Variants in ANKRD28 observed in about 807,000 individuals in gnomAD.
ANKRD28 encodes serine/threonine-protein phosphatase 6 regulatory ankyrin repeat subunit A.
A neutral mutation model predicts 126.5 loss-of-function variants in ANKRD28; 44 were observed. The observed-to-expected ratio is 0.35, with a 90% CI of 0.27 to 0.45. The LOEUF is 0.45. ANKRD28 is among the 20% of genes least tolerant of loss of function. ANKRD28 has a pLI of 1.00. For missense variants in ANKRD28, 1,110 were observed against 1,316.6 expected, an observed-to-expected ratio of 0.84 and a Z score of 2.43; for synonymous variants, 442 against 468.5, an observed-to-expected ratio of 0.94 and a Z score of 0.73.
chr3:15,749,803 C>T (rs763439927), intron 4 of ANKRD28, among the ~76,000 whole-genome samples: 8 of 152,074 alleles, frequency 5.3e-5, no homozygotes, highest in Non-Finnish European at 7.4e-5. Flanking sequence ...TACTAGGCTC[C>T]GGGATGGTAC....
chr3:15,843,205 C>T lies in ANKRD28; in HGVS notation c.27+16172G>A, dbSNP rs902573262. On this transcript the variant is annotated intron_variant, in intron 1 of 27. Transcript: ENST00000399451. The surrounding 1 kb of genome is among the most constrained non-coding windows in gnomAD (Gnocchi z 5.2). Reference sequence around the variant, plus strand: ...AGTAGGAGCAAGACAGATCAAGTGGCGAGGTGCCACACACTTTTAAATGAC... The same window carrying T: ...AGTAGGAGCAAGACAGATCAAGTGGTGAGGTGCCACACACTTTTAAATGAC... Among the ~76,000 whole-genome samples the T allele has an allele frequency of 9.2e-5, 14 of 152,138 alleles. No individual in the cohort carries two copies. The highest frequency in any genetic ancestry group is 2.7e-4 in the African/African-American group (11 of 41,434).
intron 2 of ANKRD28, among the ~76,000 whole-genome samples, chr3:15,786,417 C>T (rs2125737009): frequency 6.6e-6 from 1 of 151,848 alleles, no homozygotes; most frequent in East Asian, 1.9e-4. Flanking sequence ...ATTTATATAA[C>T]ACTCTAGGAA....
At chr3:15,758,801 A>G (rs1389523252) in intron 3 of ANKRD28, among the ~76,000 whole-genome samples, 1 of 152,242 alleles carries the variant, frequency 6.6e-6, no homozygotes, top group Non-Finnish European at 1.5e-5. Flanking sequence ...CTAATGTACC[A>G]GCACTGAAGT....
intron 11 of ANKRD28, among the ~76,000 whole-genome samples, chr3:15,711,692 ATTTTTT>A (rs879312791): frequency 2.1e-5 from 3 of 145,002 alleles, no homozygotes; most frequent in Non-Finnish European, 3.1e-5. Context: ...GGTTTTCTGT[ATTTTTT>A]TTTTTTGAGA....
intron 4 of ANKRD28, among the ~76,000 whole-genome samples, chr3:15,738,266 A>C (rs548339311): frequency 6.6e-6 from 1 of 152,298 alleles, no homozygotes; most frequent in South Asian, 2.1e-4. Flanking sequence ...GAGAAATTTT[A>C]AAGCTGGGTG....
At chr3:15,777,032 T>C (rs1380693352) in intron 2 of ANKRD28, among the ~76,000 whole-genome samples, 1 of 152,100 alleles carries the variant, frequency 6.6e-6, no homozygotes, top group Non-Finnish European at 1.5e-5. Context: ...TCCCAGCACT[T>C]TGGGAGGCCG....
chr3:15,795,225 G>T lies in ANKRD28; in HGVS notation c.199C>A (p.Gln67Lys). The T allele has an allele frequency of 6.2e-7, 1 of 1,604,318 alleles. No individual in the cohort carries two copies. Among genetic ancestry groups the T allele is most frequent in the Non-Finnish European group, 8.5e-7 (1 of 1,171,492 alleles). ...CATCAGTGAATTAACTGTTTTACCT[G>T]AAAGTTAACATCTTCTTTCTTAAAT... ...LIFKKEDVNF[Q>K]DNEKRTPLHA... The change falls in exon 2 of 28, where the codon CAG becomes AAG. Residue 67 changes from glutamine (Q) to lysine (K), a missense_variant and splice_region_variant. Transcript: ENST00000683139.
rs551750478 is a variant in ANKRD28, at chr3:15,830,086, G to A, written c.27+29291C>T. Among the ~76,000 whole-genome samples the A allele has an allele frequency of 6.6e-6, 1 of 152,214 alleles. No individual in the cohort carries two copies. Among genetic ancestry groups the A allele is most frequent in the African/African-American group, 2.4e-5 (1 of 41,522 alleles). ...CTTAAAAACAATCTTAAGGGAAATA[G>A]GCTTTTCCCTCCCCTTAACTGTAAG... On this transcript the variant is annotated intron_variant, in intron 1 of 27. Coordinates refer to the ANKRD28 transcript ENST00000399451. This position sits in a 1 kb window ranked among gnomAD's most constrained non-coding sequence, Gnocchi z 4.5.
chr3:15,850,204 A>AAAAATATATATAT (rs1486394619), intron 1 of ANKRD28, among the ~76,000 whole-genome samples: 10 of 54,826 alleles, frequency 1.8e-4, no homozygotes, highest in South Asian at 6.3e-4. Flanking sequence ...AAAAAAAAAA[A>AAAAATATATATAT]ATATATATAT....
intron 8 of ANKRD28, among the ~76,000 whole-genome samples, chr3:15,719,728 T>G (rs1189144579): frequency 1.3e-5 from 2 of 152,048 alleles, no homozygotes; most frequent in African/African-American, 4.8e-5. Context: ...TTTTAATTTT[T>G]TTTTTGGTAG....
chr3:15,757,867 C>T (rs2058250664), intron 3 of ANKRD28, among the ~76,000 whole-genome samples: 1 of 152,132 alleles, frequency 6.6e-6, no homozygotes, highest in Non-Finnish European at 1.5e-5. Flanking sequence ...GGCTTCAAGC[C>T]ACCTAATTTG....
At chr3:15,671,863 T>C (rs981946072) in intron 27 of ANKRD28, among the ~76,000 whole-genome samples, 4 of 151,974 alleles carry the variant, frequency 2.6e-5, no homozygotes, top group African/African-American at 9.7e-5. Flanking sequence ...GGATTACAGA[T>C]GTGAACCACC....
chr3:15,848,467 A>T (rs2061571994), intron 1 of ANKRD28, among the ~76,000 whole-genome samples: 1 of 152,104 alleles, frequency 6.6e-6, no homozygotes, highest in Non-Finnish European at 1.5e-5. Context: ...TTGAGCCCAA[A>T]AGCTGAAGAC....
At chr3:15,706,495 G>A (rs1350601515) in intron 14 of ANKRD28, among the ~76,000 whole-genome samples, 5 of 152,140 alleles carry the variant, frequency 3.3e-5, no homozygotes, top group Non-Finnish European at 7.3e-5. Context: ...ATCATTGATG[G>A]ACATTTGGGG....
At chr3:15,832,171 C>T (rs935692525) in intron 1 of ANKRD28, among the ~76,000 whole-genome samples, 12 of 152,178 alleles carry the variant, frequency 7.9e-5, no homozygotes, top group African/African-American at 2.9e-4. Flanking sequence ...CAAATAAGAT[C>T]ACTTCAGATA....
At chr3:15,751,960 T>C (rs2057888223) in intron 3 of ANKRD28, 140 bp from the exon 4 acceptor site, 2 of 567,678 alleles carry the variant, frequency 3.5e-6, no homozygotes, top group Non-Finnish European at 6.0e-6. Context: ...TTTCTGCTGA[T>C]AAAATTACCC....
chr3:15,842,448 G>T (rs2061442868), intron 1 of ANKRD28, among the ~76,000 whole-genome samples: 1 of 152,016 alleles, frequency 6.6e-6, no homozygotes, highest in Non-Finnish European at 1.5e-5. Flanking sequence ...GGGTAGTTGG[G>T]GGATGGAGGG....
rs1041445337 is a variant in ANKRD28 at position 15,839,840 on chromosome 3, A to G, written c.27+19537T>C. On this transcript the variant is annotated intron_variant, in intron 1 of 27. Coordinates refer to the ANKRD28 transcript ENST00000399451. The surrounding 1 kb of genome is among the most constrained non-coding windows in gnomAD (Gnocchi z 4.3). ...AACTGATGCTGAAAAAGCATTTGAT[A>G]AAATTCAACATCCCTTCATAATAAA... is the stretch of plus-strand genomic sequence containing the variant. Among the ~76,000 whole-genome samples the G allele has an allele frequency of 6.6e-6, 1 of 152,248 alleles. No individual in the cohort carries two copies. The highest frequency in any genetic ancestry group is 1.5e-5 in the Non-Finnish European group (1 of 68,048).
chr3:15,747,551 G>A (rs2057559630), intron 4 of ANKRD28, among the ~76,000 whole-genome samples: 1 of 152,146 alleles, frequency 6.6e-6, no homozygotes, highest in African/African-American at 2.4e-5. Context: ...ACTGTGGTCT[G>A]AGAGAGTACT....
Sources: gnomAD v4.1 joint callset for allele counts (sites outside exome capture counted in the v4.1 genomes callset) on GRCh38, gnomAD v4.1.1 for gene constraint, Gnocchi (gnomAD v3.1) non-coding constraint, MANE v1.5 for transcripts, NCBI Gene and HGNC (gene_info 2026-07-23, HGNC 2026-07-21) for gene names.